Variants in CACNA2D3 observed in about 807,000 individuals in gnomAD.
The protein encoded by CACNA2D3 is calcium voltage-gated channel auxiliary subunit alpha2delta 3.
A neutral mutation model predicts 160.6 loss-of-function variants in CACNA2D3; 60 were observed. That is an observed-to-expected ratio of 0.37 (90% CI 0.30 to 0.46). The LOEUF is 0.46. Among genes scored for constraint, CACNA2D3 ranks in the 20% least tolerant of loss-of-function variants. The probability of loss-of-function intolerance (pLI) is 1.00; values close to 1 mark genes in which losing one functional copy is unlikely to be tolerated. For synonymous variants in CACNA2D3, 558 were observed against 492.9 expected (o/e 1.13, Z -1.75); for missense variants, 1,205 against 1,365.0 (o/e 0.88, Z 1.85).
At chr3:54,736,327 G>A (rs1232956856) in intron 11 of CACNA2D3, among the ~76,000 whole-genome samples, 1 of 151,476 alleles carries the variant, frequency 6.6e-6, no homozygotes, top group Admixed American at 6.6e-5. Context: ...CCCCTTCTGT[G>A]ATACGTTTAG....
At chr3:54,676,213 C>T (rs1700240686) in intron 11 of CACNA2D3, among the ~76,000 whole-genome samples, 2 of 152,162 alleles carry the variant, frequency 1.3e-5, no homozygotes. Context: ...AGCCCCTTTC[C>T]TCCCCTTTCC....
chr3:54,382,593 G>C (rs1018963749), intron 3 of CACNA2D3, among the ~76,000 whole-genome samples: 4 of 152,230 alleles, frequency 2.6e-5, no homozygotes, highest in Non-Finnish European at 5.9e-5. Flanking sequence ...GACCAGCCTA[G>C]CCAACATGGT....
intron 2 of CACNA2D3, among the ~76,000 whole-genome samples, chr3:54,254,563 C>T (rs1028736037): frequency 2.0e-5 from 3 of 152,114 alleles, no homozygotes; most frequent in Admixed American, 1.3e-4. Context: ...CCTTTCTGAG[C>T]TTCAGTTTCC....
rs149213833 is a variant in CACNA2D3, at chr3:54,936,954, A to G, written c.2450-31496A>G. Reference sequence around the variant, plus strand: ...GGCTGATGTTTATAAGTTCCTATCCATGGCCTCCAGTTGCTCCCACCATGA... The same window carrying G: ...GGCTGATGTTTATAAGTTCCTATCCGTGGCCTCCAGTTGCTCCCACCATGA... On this transcript the variant is annotated intron_variant, in intron 27 of 37. Transcript: ENST00000474759. Among the ~76,000 whole-genome samples, 16 of 152,224 alleles carry G rather than the reference A, an allele frequency of 1.1e-4. No homozygotes were observed. In the East Asian group the frequency reaches 2.1e-3, roughly 20 times the overall value.
chr3:54,820,294 A>G (rs1001675238), intron 14 of CACNA2D3, among the ~76,000 whole-genome samples: 3 of 152,208 alleles, frequency 2.0e-5, no homozygotes, highest in African/African-American at 7.2e-5. Context: ...GCAACTAAAA[A>G]TGTCCCATTT....
rs541858513 is a variant in CACNA2D3 at position 54,865,446 on chromosome 3, G to A, written c.1627-6093G>A. On this transcript the variant is annotated intron_variant, in intron 17 of 37. Transcript: ENST00000474759. ...CTTCCCGCTACTGATCCCCAAGGGA[G>A]TAGGGGCTGACAGAGGCCACTGGGG... is the stretch of plus-strand genomic sequence containing the variant. Among the ~76,000 whole-genome samples, 8 of 152,338 alleles carry A rather than the reference G, an allele frequency of 5.3e-5. No homozygotes were observed. The South Asian group carries it at 1.5e-3, about 28-fold the overall frequency.
chr3:54,288,790 T>C (rs1553780391), intron 2 of CACNA2D3, among the ~76,000 whole-genome samples: 1 of 152,098 alleles, frequency 6.6e-6, no homozygotes, highest in Non-Finnish European at 1.5e-5. Context: ...ATAAATGTAA[T>C]CCAGCATATA....
intron 25 of CACNA2D3, 104 bp from the exon 26 acceptor site, chr3:54,896,645 A>G: frequency 1.4e-6 from 2 of 1,425,916 alleles, no homozygotes; most frequent in Non-Finnish European, 2.0e-6. Flanking sequence ...TTGGGGTTCT[A>G]AAAGTGAACA....
At chr3:54,308,411 A>T (rs1162946968) in intron 2 of CACNA2D3, among the ~76,000 whole-genome samples, 1 of 152,146 alleles carries the variant, frequency 6.6e-6, no homozygotes, top group Non-Finnish European at 1.5e-5. Context: ...AGAAGCAGGT[A>T]CACTTTCTCC....
At chr3:54,270,215 AAG>A (rs757917580) in intron 2 of CACNA2D3, among the ~76,000 whole-genome samples, 13 of 152,372 alleles carry the variant, frequency 8.5e-5, no homozygotes, top group Middle Eastern at 3.4e-3. Flanking sequence ...ATAAAAGAGA[AAG>A]AGTTTCTTTT....
chr3:54,945,768 G>A (rs1019908184), intron 27 of CACNA2D3, among the ~76,000 whole-genome samples: 1 of 152,120 alleles, frequency 6.6e-6, no homozygotes, highest in African/African-American at 2.4e-5. Flanking sequence ...AGGTGTCCTG[G>A]GCCATTGTAT....
intron 5 of CACNA2D3, among the ~76,000 whole-genome samples, chr3:54,559,536 G>T (rs1023671359): frequency 6.6e-6 from 1 of 152,034 alleles, no homozygotes; most frequent in Non-Finnish European, 1.5e-5. Context: ...CAAGTGATCT[G>T]CCCACCTCGG....
At position 54,279,536 on chromosome 3, in the gene CACNA2D3, A is replaced by G. The variant is rs543660713; in HGVS notation, c.205-40906A>G. Reference sequence around the variant, plus strand: ...GACTGCACTTAGCTTGCACTTTGAAAATGGAGCTTTCATTTAAATGCCTTG... The same window carrying G: ...GACTGCACTTAGCTTGCACTTTGAAGATGGAGCTTTCATTTAAATGCCTTG... On this transcript the variant is annotated intron_variant, in intron 2 of 37. Transcript: ENST00000474759. Among the ~76,000 whole-genome samples, 6 of 152,262 alleles carry G rather than the reference A, an allele frequency of 3.9e-5. No individual in the cohort carries two copies. The South Asian group carries it at 1.0e-3, about 26-fold the overall frequency.
Position 54,170,292 on chromosome 3 carries a change from A to G in CACNA2D3, c.204+46698A>G, listed in dbSNP as rs373533224. Among the ~76,000 whole-genome samples, 9 of 152,072 alleles carry G rather than the reference A, an allele frequency of 5.9e-5. No homozygotes were observed. In the East Asian group the frequency reaches 1.7e-3, roughly 29 times the overall value. On this transcript the variant is annotated intron_variant, in intron 2 of 37. Transcript: ENST00000474759. ...TCTGCCAAGAGACCCAGAGAAGACC[A>G]GGATAATTTGCCCCTGGGCTCTGTT...
At chr3:54,380,052 C>T (rs566455896) in intron 3 of CACNA2D3, among the ~76,000 whole-genome samples, 15 of 152,206 alleles carry the variant, frequency 9.9e-5, no homozygotes, top group Non-Finnish European at 2.1e-4. Context: ...GGGAAGGAAT[C>T]TCAACACCAG....
chr3:54,995,944 G>A (rs940415637), intron 31 of CACNA2D3, among the ~76,000 whole-genome samples: 1 of 152,160 alleles, frequency 6.6e-6, no homozygotes, highest in African/African-American at 2.4e-5. Context: ...GCCCAATGCG[G>A]TCCTGAACAC....
intron 13 of CACNA2D3, among the ~76,000 whole-genome samples, chr3:54,794,669 A>G (rs1702832060): frequency 6.7e-6 from 1 of 149,474 alleles, no homozygotes. Flanking sequence ...TATTTTCACT[A>G]GATACAGAAT....
At chr3:54,817,001 G>C in intron 14 of CACNA2D3, 131 bp downstream of exon 14, 1 of 1,089,272 alleles carries the variant, frequency 9.2e-7, no homozygotes. Flanking sequence ...GAAACCTGAA[G>C]TTGGGCAGGA....
At chr3:54,239,769 T>G (rs1473145256) in intron 2 of CACNA2D3, among the ~76,000 whole-genome samples, 1 of 152,240 alleles carries the variant, frequency 6.6e-6, no homozygotes, top group Non-Finnish European at 1.5e-5. Context: ...GTCAATCTTA[T>G]GTGGAATTTT....
Sources: allele counts gnomAD v4.1 joint callset (sites outside exome capture counted in the v4.1 genomes callset), GRCh38; gene constraint gnomAD v4.1.1; transcripts MANE v1.5; gene names NCBI Gene and HGNC (gene_info 2026-07-23, HGNC 2026-07-21).